COLEC10: variants seen among roughly 807,000 people sequenced by gnomAD.
COLEC10 encodes the protein collectin subfamily member 10, also known as collectin-10.
In COLEC10, 22 loss-of-function variants were observed where a neutral mutation model predicts 28.4. The ratio of observed to expected loss-of-function variants is 0.78; its 90% CI spans 0.55 to 1.11. The LOEUF (loss-of-function observed/expected upper bound fraction) is 1.11. COLEC10 is among the 50% of genes least tolerant of loss of function. The pLI, the probability that COLEC10 is intolerant of heterozygous loss-of-function variation, is 0.00. For synonymous variants in COLEC10, 125 were observed against 116.1 expected, an observed-to-expected ratio of 1.08 and a Z score of -0.49; for missense variants, 361 against 344.1, an observed-to-expected ratio of 1.05 and a Z score of -0.39.
chr8:118,991,294 C>A (rs1404557889), upstream of COLEC10, among the ~76,000 whole-genome samples: 1 of 152,128 alleles, frequency 6.6e-6, no homozygotes, highest in Non-Finnish European at 1.5e-5. Flanking sequence ...CTCCCTGTGT[C>A]CTAACTACCT....
chr8:119,087,441 G>A (rs1463704551), intron 1 of COLEC10, among the ~76,000 whole-genome samples: 1 of 151,928 alleles, frequency 6.6e-6, no homozygotes, highest in Admixed American at 6.6e-5. Flanking sequence ...AACACCCTCT[G>A]GAAAAAAAGT....
Position 119,067,327 on chromosome 8 carries a change from C to T in COLEC10, c.46C>T (p.Leu16=). 1 of 1,613,998 alleles carries T rather than the reference C, an allele frequency of 6.2e-7. No homozygotes were observed. The highest frequency in any genetic ancestry group is 8.5e-7 in the Non-Finnish European group (1 of 1,179,912). The change falls in exon 1 of 6, where the codon CTG becomes TTG. Residue 16 remains leucine (L), a synonymous_variant. Coordinates refer to ENST00000332843, the MANE Select transcript of COLEC10 (RefSeq NM_006438.5). ...SLLRRNQFIL[L]VLFLLQIQSL... is the part of the protein sequence containing the mutation. Reference sequence around the variant, plus strand: ...GCTTCGAAGAAACCAATTTATCCTCCTGGTACTATTTCTTTTGCAAATTCA... The same window carrying T: ...GCTTCGAAGAAACCAATTTATCCTCTTGGTACTATTTCTTTTGCAAATTCA...
chr8:119,023,178 T>C (rs1398016180), intron 2 of COLEC10, among the ~76,000 whole-genome samples: 1 of 152,192 alleles, frequency 6.6e-6, no homozygotes, highest in East Asian at 1.9e-4. Flanking sequence ...TTACTTATGC[T>C]TGTCTATTCT....
In COLEC10 at chr8:119,089,751, G is replaced by A. The variant is rs771559504; in HGVS notation, c.220G>A (p.Gly74Arg). 13 of 1,612,090 alleles carry A rather than the reference G, an allele frequency of 8.1e-6. No homozygotes were observed. The highest frequency in any genetic ancestry group is 1.7e-5 in the Admixed American group (1 of 59,954). The part of the protein sequence containing the change: ...HGKVGRMGPK[G>R]IKGELGDMGD... ...CAAAGTGGGACGCATGGGGCCGAAA[G>A]GTAACTAAAATGATGTGAAACTGAC... The change falls in exon 2 of 6, where the codon GGA becomes AGA. Residue 74 changes from glycine to arginine, a missense_variant and splice_region_variant. By Grantham distance (125) the Gly-to-Arg change is moderately radical. Around this residue, in one of 3 missense-constraint regions of COLEC10, gnomAD observed 335 missense variants for 308.5 expected, o/e 1.09. Transcript: ENST00000332843.
At chr8:118,972,302 C>T in the COLEC10 span, among the ~76,000 whole-genome samples, 1 of 152,070 alleles carries the variant, frequency 6.6e-6, no homozygotes, top group Non-Finnish European at 1.5e-5. Flanking sequence ...CTTGTAGCAA[C>T]TTCTTGTTTT....
upstream of COLEC10, among the ~76,000 whole-genome samples, chr8:119,065,265 C>G (rs1587033131): frequency 1.3e-5 from 2 of 152,166 alleles, no homozygotes; most frequent in African/African-American, 4.8e-5. Context: ...CAGCTGCCCC[C>G]ACATCAGTCA....
the COLEC10 span, among the ~76,000 whole-genome samples, chr8:118,952,979 G>A: frequency 6.6e-6 from 1 of 152,182 alleles, no homozygotes; most frequent in Admixed American, 6.5e-5. Flanking sequence ...AAGTGTTCAA[G>A]TTATATGTCT....
At chr8:118,975,475 A>G in the COLEC10 span, among the ~76,000 whole-genome samples, 1 of 151,990 alleles carries the variant, frequency 6.6e-6, no homozygotes, top group Non-Finnish European at 1.5e-5. Context: ...TTATTGTCAG[A>G]TACTGTATAT....
At chr8:118,973,366 G>A in the COLEC10 span, among the ~76,000 whole-genome samples, 21 of 151,920 alleles carry the variant, frequency 1.4e-4, no homozygotes, top group Non-Finnish European at 2.1e-4. Flanking sequence ...TGGGGCTAAG[G>A]TTTTATCTGA....
intron 1 of COLEC10, among the ~76,000 whole-genome samples, chr8:119,085,599 C>CTTCTTTTTTTTTTT (rs1563739053): frequency 7.9e-5 from 5 of 63,554 alleles, no homozygotes; most frequent in East Asian, 5.9e-4. Flanking sequence ...TCTTCTTCTT[C>CTTCTTTTTTTTTTT]TTTTTTTTTT....
the COLEC10 span, among the ~76,000 whole-genome samples, chr8:118,961,227 TAGAA>T: frequency 6.6e-6 from 1 of 152,216 alleles, no homozygotes; most frequent in African/African-American, 2.4e-5. Context: ...GACACACAGT[TAGAA>T]AGAGATAGAA....
chr8:119,035,098 C>T (rs771895092), intron 2 of COLEC10, among the ~76,000 whole-genome samples: 35 of 152,270 alleles, frequency 2.3e-4, no homozygotes, highest in Admixed American at 4.6e-4. Context: ...CAGCACACAT[C>T]GTAACAACAG....
the COLEC10 span, among the ~76,000 whole-genome samples, chr8:118,968,344 C>G: frequency 1.3e-5 from 2 of 151,722 alleles, no homozygotes; most frequent in Non-Finnish European, 2.9e-5. Flanking sequence ...GCTCTTATCC[C>G]TAAATGTATG....
At chr8:119,014,058 CA>C (rs1813947143) in intron 2 of COLEC10, among the ~76,000 whole-genome samples, 1 of 150,610 alleles carries the variant, frequency 6.6e-6, no homozygotes, top group African/African-American at 2.5e-5. Flanking sequence ...CACACACATT[CA>C]AATACATTGC....
intron 2 of COLEC10, among the ~76,000 whole-genome samples, chr8:119,060,382 G>T (rs1814833800): frequency 6.6e-6 from 1 of 152,088 alleles, no homozygotes; most frequent in Non-Finnish European, 1.5e-5. Flanking sequence ...TGTTTTGAAT[G>T]GAGGCAAAAT....
chr8:119,092,837 C>T (rs140110283), intron 3 of COLEC10, among the ~76,000 whole-genome samples: 24 of 151,904 alleles, frequency 1.6e-4, no homozygotes, highest in African/African-American at 4.6e-4. Context: ...ACCTGGGAGG[C>T]GGAGTTTGCA....
chr8:119,079,513 AT>A (rs1815326874), intron 1 of COLEC10, among the ~76,000 whole-genome samples: 1 of 152,152 alleles, frequency 6.6e-6, no homozygotes, highest in African/African-American at 2.4e-5. Flanking sequence ...CTGAGAATGC[AT>A]TTTAATAATG....
chr8:118,980,501 C>T, the COLEC10 span, among the ~76,000 whole-genome samples: 1 of 151,966 alleles, frequency 6.6e-6, no homozygotes, highest in Non-Finnish European at 1.5e-5. Context: ...CCCCATTAAA[C>T]ATTCTTTAAG....
chr8:118,974,495 CT>C, the COLEC10 span, among the ~76,000 whole-genome samples: 1 of 151,934 alleles, frequency 6.6e-6, no homozygotes, highest in Non-Finnish European at 1.5e-5. Context: ...ATTCAGTTAC[CT>C]TTACTGCTGT....
Sources: allele counts gnomAD v4.1 joint callset (sites outside exome capture counted in the v4.1 genomes callset), GRCh38; gene constraint gnomAD v4.1.1; regional missense constraint gnomAD v4.1.1; transcripts MANE v1.5; gene names NCBI Gene and HGNC (gene_info 2026-07-23, HGNC 2026-07-21).